The following EVI5L variants were observed in gnomAD, a reference collection of about 807,000 sequenced individuals.
EVI5L encodes EVI5-like protein.
EVI5L carries 30 observed loss-of-function variants against 106.1 expected under a neutral mutation model. The observed-to-expected ratio is 0.28, with a 90% CI of 0.21 to 0.38. EVI5L has a LOEUF of 0.38. Ranked by LOEUF, EVI5L falls within the 10% of genes least tolerant of loss-of-function variation. The pLI, the probability that EVI5L is intolerant of heterozygous loss-of-function variation, is 1.00. For missense variants in EVI5L, 809 were observed against 1,098.0 expected, an observed-to-expected ratio of 0.74 and a Z score of 3.72; for synonymous variants, 489 against 483.3, an observed-to-expected ratio of 1.01 and a Z score of -0.15.
At position 7,856,141 on chromosome 19, in the gene EVI5L, C is replaced by G. The variant is rs535121197; in HGVS notation, c.1200+73C>G. On this transcript the variant is annotated intron_variant, in intron 11 of 19. Transcript: ENST00000538904. This position sits in a 1 kb window ranked among gnomAD's most constrained non-coding sequence, Gnocchi z 6.6. ...CCACCATGCGGGGCATGGCCGCTAA[C>G]CTGGGGTGGACTCCTCCAAGTCTTC... 6 of 1,278,464 alleles carry G rather than the reference C, an allele frequency of 4.7e-6. No individual in the cohort carries two copies. The highest frequency in any genetic ancestry group is 3.0e-5 in the African/African-American group (2 of 65,754). 79.2% of individuals were successfully genotyped at this position (1,278,464 alleles called of 1,614,324 possible).
chr19:7,862,114 C>A lies in EVI5L; in HGVS notation c.1645-8C>A, dbSNP rs1174227081. 5.1e-6 allele frequency: 8 copies of A among 1,561,720 alleles called. No individual in the cohort carries two copies. Among genetic ancestry groups the A allele is most frequent in the Non-Finnish European group, 6.9e-6 (8 of 1,157,996 alleles). ...GCTGACCGCCGGCTTCTCGGCTTCA[C>A]CCCCCAGGCCCATCTGGCCCGCGGC... On this transcript the variant is annotated splice_polypyrimidine_tract_variant and splice_region_variant and intron_variant, in intron 15 of 19. Transcript: ENST00000538904.
At chr19:7,854,723 G>A (rs180936594) in intron 10 of EVI5L, among the ~76,000 whole-genome samples, 1 of 152,318 alleles carries the variant, frequency 6.6e-6, no homozygotes, top group East Asian at 1.9e-4. Flanking sequence ...CCAGGGATCA[G>A]GGCTCCAGAT....
At position 7,841,796 on chromosome 19, in the gene EVI5L, G is replaced by A. The variant is rs559146079; in HGVS notation, c.-47-4700G>A. 6.6e-5 allele frequency among the ~76,000 whole-genome samples: 10 copies of A among 152,300 alleles called. No individual in the cohort carries two copies. The South Asian group carries it at 1.7e-3, about 25-fold the overall frequency. On this transcript the variant is annotated intron_variant, in intron 1 of 19. Transcript: ENST00000538904. ...ATGGAGATGGGGCCTCCCCTGCCTC[G>A]CTCCCTACCATGTCTCCTGCCTAGA...
In EVI5L at chr19:7,858,273, C is replaced by T. The variant is rs1402443649; in HGVS notation, c.1316C>T (p.Ser439Leu). The change falls in exon 13 of 20, where the codon TCG (serine) becomes TTG (leucine). Residue 439 changes from serine to leucine, a missense_variant. Transcript: ENST00000538904. The surrounding 1 kb of genome is among the most constrained non-coding windows in gnomAD (Gnocchi z 5.7). The part of the protein sequence containing the change: ...ELAVVRQQCS[S>L]AAEDLQKAQS... ...GCGGTGGTGCGGCAGCAGTGCAGCT[C>T]GGCGGCCGAGGACCTGCAGAAGGCA... is the stretch of plus-strand genomic sequence containing the variant. 9.7e-6 allele frequency: 15 copies of T among 1,553,086 alleles called. No homozygotes were observed. In the East Asian group the frequency reaches 2.7e-4, roughly 28 times the overall value.
At chr19:7,834,941 C>T (rs945487552) in intron 1 of EVI5L, among the ~76,000 whole-genome samples, 1 of 151,996 alleles carries the variant, frequency 6.6e-6, no homozygotes, top group Non-Finnish European at 1.5e-5. Flanking sequence ...ACCTGGGCAA[C>T]ATAGTGAGAC....
chr19:7,852,773 C>T (rs1979321641), intron 8 of EVI5L: 3 of 329,706 alleles, frequency 9.1e-6, no homozygotes, highest in Non-Finnish European at 1.7e-5. Flanking sequence ...GTCTCAAACT[C>T]CTGGGCTCAA....
chr19:7,850,107 C>A lies in EVI5L; in HGVS notation c.738C>A (p.Phe246Leu). 1 of 1,604,862 alleles carries A rather than the reference C, an allele frequency of 6.2e-7. No individual in the cohort carries two copies. Among genetic ancestry groups the A allele is most frequent in the Non-Finnish European group, 8.5e-7 (1 of 1,176,202 alleles). The change falls in exon 6 of 20, where the codon TTC (phenylalanine) becomes TTA (leucine). Residue 246 changes from phenylalanine (F) to leucine (L), a missense_variant. Coordinates refer to ENST00000538904, the MANE Select transcript of EVI5L (RefSeq NM_001159944.3). This position sits in a 1 kb window ranked among gnomAD's most constrained non-coding sequence, Gnocchi z 5.4. ...AGCTCGGGCTCTGCATCTATCAGTT[C>A]GAGTACATGCTGCAGGTGAGCAGGG... ...MAELGLCIYQ[F>L]EYMLQEQLPD...
intron 1 of EVI5L, among the ~76,000 whole-genome samples, chr19:7,842,889 ATGTG>A (rs1420309215): frequency 8.0e-5 from 12 of 149,086 alleles, no homozygotes; most frequent in Non-Finnish European, 1.5e-4. Flanking sequence ...GTGCATGGGT[ATGTG>A]TGTATTGAGT....
At chr19:7,852,086 A>G (rs942141090) in intron 8 of EVI5L, among the ~76,000 whole-genome samples, 2 of 152,138 alleles carry the variant, frequency 1.3e-5, no homozygotes, top group South Asian at 4.1e-4. Flanking sequence ...CTGATGGCAG[A>G]TCATGACTGA....
chr19:7,850,009 G>T lies in EVI5L; in HGVS notation c.640G>T (p.Glu214Ter). Residue 214 changes from glutamate to a stop codon, truncating the protein, a stop_gained, in exon 6 of 20, where the codon GAG becomes TAG. Transcript: ENST00000538904. LOFTEE classifies it high-confidence loss of function. This position sits in a 1 kb window ranked among gnomAD's most constrained non-coding sequence, Gnocchi z 5.4. ...GLLLMQMPEE[E>*]AFCVFVRLMQ... ...CCGTCCCCCCTAGATGCCTGAGGAG[G>T]AGGCCTTCTGTGTGTTCGTGCGGCT... The T allele has an allele frequency of 6.3e-7, 1 of 1,597,576 alleles. No individual in the cohort carries two copies.
Position 7,845,518 on chromosome 19 carries a change from G to C in EVI5L, c.-47-978G>C, listed in dbSNP as rs1297414352. Among the ~76,000 whole-genome samples, 1 of 152,220 alleles carries C rather than the reference G, an allele frequency of 6.6e-6. No homozygotes were observed. Among genetic ancestry groups the C allele is most frequent in the Non-Finnish European group, 1.5e-5 (1 of 68,048 alleles). On this transcript the variant is annotated intron_variant, in intron 1 of 19. Transcript: ENST00000538904. This position sits in a 1 kb window ranked among gnomAD's most constrained non-coding sequence, Gnocchi z 4.0. ...CTCTGTTCTGACCAGGTTATGTGCA[G>C]TCATGTGCTCAGTTTCCACAGCCAC...
chr19:7,855,961 A>G lies in EVI5L; in HGVS notation c.1147-54A>G, dbSNP rs1178835689. 8.4e-6 allele frequency: 11 copies of G among 1,314,970 alleles called. No individual in the cohort carries two copies. In the South Asian group the frequency reaches 3.2e-4, roughly 38 times the overall value. 81.5% of individuals were successfully genotyped at this position (1,314,970 alleles called of 1,614,324 possible). ...CCGGCAGTGGGTAAATGAGGGGTGCATGTAGACAGGCGTGGGGGGCGGGCT... is the reference window on the plus strand; with the variant it reads ...CCGGCAGTGGGTAAATGAGGGGTGCGTGTAGACAGGCGTGGGGGGCGGGCT... On this transcript the variant is annotated intron_variant, in intron 10 of 19. Coordinates refer to ENST00000538904, the MANE Select transcript of EVI5L (RefSeq NM_001159944.3).
chr19:7,850,042 G>T lies in EVI5L; in HGVS notation c.673G>T (p.Glu225Ter). 1 of 1,604,506 alleles carries T rather than the reference G, an allele frequency of 6.2e-7. No homozygotes were observed. Among genetic ancestry groups the T allele is most frequent in the Non-Finnish European group, 8.5e-7 (1 of 1,175,764 alleles). ...AFCVFVRLMQ[E>*]YRLRELFKPS... is the part of the protein sequence containing the mutation. The stretch of plus-strand genomic sequence containing the variant: ...CTGTGTGTTCGTGCGGCTGATGCAG[G>T]AGTACCGGCTGCGGGAGCTCTTCAA... The change falls in exon 6 of 20, where the codon GAG (glutamate) becomes TAG (stop). Residue 225 changes from glutamate (E) to a stop codon, truncating the protein, a stop_gained. Transcript: ENST00000538904. LOFTEE classifies it high-confidence loss of function. This position sits in a 1 kb window ranked among gnomAD's most constrained non-coding sequence, Gnocchi z 5.4.
At chr19:7,839,760 C>CAA (rs57512338) in intron 1 of EVI5L, among the ~76,000 whole-genome samples, 110,020 of 151,384 alleles carry the variant, frequency 0.73, 40,463 homozygotes, top group South Asian at 0.84. Context: ...CCCAAGTCTC[C>CAA]AAAATTAGAA....
intron 1 of EVI5L, among the ~76,000 whole-genome samples, chr19:7,832,248 C>T (rs1978296490): frequency 6.6e-6 from 1 of 152,156 alleles, no homozygotes; most frequent in Non-Finnish European, 1.5e-5. Flanking sequence ...TGAGACAAGA[C>T]AGGAGAGGAG....
At chr19:7,844,445 C>T (rs1192886760) in intron 1 of EVI5L, among the ~76,000 whole-genome samples, 1 of 152,200 alleles carries the variant, frequency 6.6e-6, no homozygotes, top group African/African-American at 2.4e-5. Flanking sequence ...TCACTGCTCC[C>T]CAACTCCATC....
rs981952538 is a variant in EVI5L, at chr19:7,847,907, G to A, written c.313G>A (p.Glu105Lys). Residue 105 changes from glutamate (E) to lysine (K), a missense_variant, in exon 3 of 20, where the codon GAG becomes AAG. By Grantham distance (56) the Glu-to-Lys change is moderately conservative. Transcript: ENST00000538904. ...NEWEEWRRRKEKLLKELIRKG... is the reference protein window; with the variant it reads ...NEWEEWRRRKKKLLKELIRKG... ...GTGGGAGGAGTGGCGGCGCAGGAAG[G>A]AGAAGCTGCTCAAGGTGGGGGGCGG... The A allele has an allele frequency of 1.3e-6, 2 of 1,554,200 alleles. No homozygotes were observed. The highest frequency in any genetic ancestry group is 1.7e-6 in the Non-Finnish European group (2 of 1,148,232).
chr19:7,862,680 C>A, intron 17 of EVI5L, 146 bp downstream of exon 17: 2 of 683,712 alleles, frequency 2.9e-6, no homozygotes, highest in South Asian at 7.3e-5. Flanking sequence ...CCCGCGGCCC[C>A]GCCTCCTGAC....
rs762379303 is a variant in EVI5L, at chr19:7,861,923, G to A, written c.1549G>A (p.Glu517Lys). The change falls in exon 15 of 20, where the codon GAG (glutamate) becomes AAG (lysine). Residue 517 changes from glutamate (E) to lysine (K), a missense_variant. Physicochemically the swap from Glu to Lys is moderately conservative, Grantham distance 56 (BLOSUM62 1). Transcript: ENST00000538904. ...PDENNVAQLQ[E>K]ELKALKVREG... ...CGAGAACAATGTGGCGCAGCTGCAG[G>A]AGGAGCTGAAGGCGCTCAAGGTGCG... 3 of 1,550,782 alleles carry A rather than the reference G, an allele frequency of 1.9e-6. No individual in the cohort carries two copies. In the South Asian group the frequency reaches 3.6e-5, roughly 18 times the overall value.
Sources: gnomAD v4.1 joint callset for allele counts (sites outside exome capture counted in the v4.1 genomes callset) on GRCh38, gnomAD v4.1.1 for gene constraint, Gnocchi (gnomAD v3.1) non-coding constraint, MANE v1.5 for transcripts, NCBI Gene and HGNC (gene_info 2026-07-23, HGNC 2026-07-21) for gene names.